The following RANBP2 variants were observed in gnomAD, a reference collection of about 807,000 sequenced individuals.
RANBP2 encodes E3 SUMO-protein ligase RanBP2.
In RANBP2, 57 loss-of-function variants were observed where a neutral mutation model predicts 303.6. That is an observed-to-expected ratio of 0.19 (90% CI 0.15 to 0.23). The LOEUF (loss-of-function observed/expected upper bound fraction) is 0.23, where lower values mean the gene tolerates loss of function less well. Among genes scored for constraint, RANBP2 ranks in the 10% least tolerant of loss-of-function variants. The pLI, the probability that RANBP2 is intolerant of heterozygous loss-of-function variation, is 1.00. For missense variants in RANBP2, 3,138 were observed against 3,780.8 expected (o/e 0.83, Z 4.46); for synonymous variants, 1,167 against 1,301.5 (o/e 0.90, Z 2.23).
At chr2:109,716,376 T>C in the RANBP2 span, among the ~76,000 whole-genome samples, 2 of 151,982 alleles carry the variant, frequency 1.3e-5, no homozygotes, top group Non-Finnish European at 2.9e-5. Context: ...CTTAGCCTCC[T>C]GAGTAGCTGG....
the RANBP2 span, among the ~76,000 whole-genome samples, chr2:108,990,437 C>CAAAAAAAAAAA: frequency 2.5e-4 from 18 of 70,600 alleles, no homozygotes; most frequent in East Asian, 1.3e-3. Context: ...GACTCCGTCT[C>CAAAAAAAAAAA]AAAAAAAAAA....
chr2:108,943,432 A>G, the RANBP2 span, among the ~76,000 whole-genome samples: 1 of 152,166 alleles, frequency 6.6e-6, no homozygotes, highest in South Asian at 2.1e-4. Flanking sequence ...TTAAACTGCA[A>G]TCACACCGTA....
intron 4 of RANBP2, among the ~76,000 whole-genome samples, chr2:108,732,334 T>C (rs1695234630): frequency 6.6e-6 from 1 of 152,158 alleles, no homozygotes; most frequent in African/African-American, 2.4e-5. Context: ...AAATCCTAAA[T>C]GCTCCAGAAT....
At chr2:109,375,737 A>G in the RANBP2 span, among the ~76,000 whole-genome samples, 2 of 152,230 alleles carry the variant, frequency 1.3e-5, no homozygotes, top group Non-Finnish European at 2.9e-5. Flanking sequence ...GCACCCCTGC[A>G]GCCCCCCTCT....
the RANBP2 span, chr2:109,490,697 C>T: frequency 6.5e-7 from 1 of 1,533,466 alleles, no homozygotes; most frequent in Non-Finnish European, 8.7e-7. Flanking sequence ...CAACCCACGA[C>T]CCCCAGGTGG....
chr2:109,209,640 T>C, the RANBP2 span, among the ~76,000 whole-genome samples: 1 of 152,140 alleles, frequency 6.6e-6, no homozygotes, highest in Non-Finnish European at 1.5e-5. Flanking sequence ...GGAGAAACGC[T>C]GTGAATCAGT....
the RANBP2 span, chr2:108,940,120 T>C: frequency 6.6e-6 from 1 of 152,380 alleles, no homozygotes; most frequent in Non-Finnish European, 1.5e-5. Flanking sequence ...ATGAACCATT[T>C]ATTGGCACCA....
chr2:109,513,306 G>T, the RANBP2 span, among the ~76,000 whole-genome samples: 4 of 150,596 alleles, frequency 2.7e-5, no homozygotes, highest in African/African-American at 9.8e-5. Flanking sequence ...ATGTACACAT[G>T]CATGCATATA....
chr2:109,730,266 T>G, the RANBP2 span, among the ~76,000 whole-genome samples: 1 of 152,220 alleles, frequency 6.6e-6, no homozygotes, highest in Non-Finnish European at 1.5e-5. Context: ...AAAAGCTGTT[T>G]CTTTGGATGG....
At chr2:109,187,809 CA>C in the RANBP2 span, among the ~76,000 whole-genome samples, 1 of 152,202 alleles carries the variant, frequency 6.6e-6, no homozygotes, top group African/African-American at 2.4e-5. Context: ...CCTCTGACAC[CA>C]TCCTCTGCCA....
chr2:109,615,288 C>T, the RANBP2 span: 4 of 1,594,762 alleles, frequency 2.5e-6, no homozygotes, highest in African/African-American at 4.0e-5. Flanking sequence ...GCTGGACCCC[C>T]TGGAGCACGC....
At chr2:109,466,271 C>T in the RANBP2 span, among the ~76,000 whole-genome samples, 374 of 151,932 alleles carry the variant, frequency 2.5e-3, 1 homozygote, top group African/African-American at 7.7e-3. Flanking sequence ...TTAGTAGAGA[C>T]GGGGTTTCAC....
At chr2:109,126,211 T>C in the RANBP2 span, among the ~76,000 whole-genome samples, 2 of 152,068 alleles carry the variant, frequency 1.3e-5, no homozygotes, top group African/African-American at 4.8e-5. Context: ...GACATCTGGG[T>C]GCATAGTCTG....
At chr2:108,738,922 A>G (rs893146601) in intron 6 of RANBP2, among the ~76,000 whole-genome samples, 4 of 151,998 alleles carry the variant, frequency 2.6e-5, no homozygotes, top group African/African-American at 9.7e-5. Flanking sequence ...GAGCCACCGC[A>G]CAGGGCCAAT....
chr2:109,188,167 C>G, the RANBP2 span, among the ~76,000 whole-genome samples: 1 of 152,240 alleles, frequency 6.6e-6, no homozygotes, highest in Non-Finnish European at 1.5e-5. Flanking sequence ...TATTGACTTC[C>G]CAAGAACCAG....
the RANBP2 span, among the ~76,000 whole-genome samples, chr2:108,961,432 T>C: frequency 7.2e-5 from 11 of 152,238 alleles, no homozygotes; most frequent in East Asian, 2.1e-3. Flanking sequence ...GGAGCACAGC[T>C]TCTCTGGGAC....
the RANBP2 span, chr2:109,490,518 C>T: frequency 1.8e-6 from 2 of 1,097,362 alleles, no homozygotes; most frequent in African/African-American, 1.6e-5. Context: ...TAAAGTTCCA[C>T]ATAGGAAGAT....
At chr2:108,985,275 G>A in the RANBP2 span, among the ~76,000 whole-genome samples, 1 of 152,204 alleles carries the variant, frequency 6.6e-6, no homozygotes, top group African/African-American at 2.4e-5. Context: ...CCTCAGGGCT[G>A]TTACTAAGAG....
chr2:109,675,290 G>T, the RANBP2 span, among the ~76,000 whole-genome samples: 3 of 152,226 alleles, frequency 2.0e-5, no homozygotes, highest in African/African-American at 7.2e-5. Context: ...AAAGTTCTCA[G>T]ACCAGGCTCA....
Sources: gnomAD v4.1 joint callset for allele counts (sites outside exome capture counted in the v4.1 genomes callset) on GRCh38, gnomAD v4.1.1 for gene constraint, MANE v1.5 for transcripts, NCBI Gene and HGNC (gene_info 2026-07-23, HGNC 2026-07-21) for gene names.